ART1: variants seen among roughly 807,000 people sequenced by gnomAD.
ART1 encodes the protein GPI-linked NAD(P)(+)--arginine ADP-ribosyltransferase 1.
In ART1, 29 loss-of-function variants were observed where a neutral mutation model predicts 27.0. The ratio of observed to expected loss-of-function variants is 1.08; its 90% CI spans 0.80 to 1.47. ART1 has a LOEUF of 1.47. ART1 is among the 40% of genes most tolerant of loss of function. The pLI, the probability that ART1 is intolerant of heterozygous loss-of-function variation, is 0.00. For synonymous variants in ART1, 201 were observed against 172.2 expected (o/e 1.17, Z -1.31); for missense variants, 480 against 423.0 (o/e 1.13, Z -1.18).
At chr11:3,647,559 G>A (rs556999588) in intron 1 of ART1, among the ~76,000 whole-genome samples, 31 of 151,912 alleles carry the variant, frequency 2.0e-4, no homozygotes, top group Admixed American at 1.2e-3. Flanking sequence ...ACTTGAACCC[G>A]GGAGGTAGAG....
chr11:3,661,074 T>C (rs2077616245), intron 3 of ART1, among the ~76,000 whole-genome samples: 1 of 152,108 alleles, frequency 6.6e-6, no homozygotes, highest in Non-Finnish European at 1.5e-5. Context: ...CAAACCAGGC[T>C]GGGGCGAGGC....
At chr11:3,663,089 A>ATCTCATCTCATCATCTCATCTCATCATC (rs751116037) in intron 4 of ART1, among the ~76,000 whole-genome samples, 4 of 87,104 alleles carry the variant, frequency 4.6e-5, no homozygotes, top group African/African-American at 1.3e-4. Context: ...ATCTCATCTC[A>ATCTCATCTCATCATCTCATCTCATCATC]TCATCTCATC....
intron 4 of ART1, 81 bp from the exon 5 acceptor site, chr11:3,664,011 C>T: frequency 2.2e-6 from 3 of 1,337,296 alleles, no homozygotes; most frequent in South Asian, 1.3e-5. Flanking sequence ...ATCTGCATGT[C>T]CCCACTTTTG....
intron 1 of ART1, among the ~76,000 whole-genome samples, chr11:3,646,086 G>A (rs963111830): frequency 1.3e-5 from 2 of 151,638 alleles, no homozygotes; most frequent in Non-Finnish European, 2.9e-5. Flanking sequence ...AGATGTGTTT[G>A]TATCTCTTCC....
In ART1 at chr11:3,664,116, C is replaced by T; in HGVS notation, c.911C>T (p.Ala304Val). Reference sequence around the variant, plus strand: ...GCCATGGGTCAGAGCCCCCTCTCTGCAGTCTGGTCTTTGCTGCTGCTGCTC... The same window carrying T: ...GCCATGGGTCAGAGCCCCCTCTCTGTAGTCTGGTCTTTGCTGCTGCTGCTC... ...NSAMGQSPLSAVWSLLLLLWF... is the reference protein window; with the variant it reads ...NSAMGQSPLSVVWSLLLLLWF... The change falls in exon 5 of 5, where the codon GCA becomes GTA. Residue 304 changes from alanine to valine, a missense_variant. Coordinates refer to ENST00000250693, the MANE Select transcript of ART1 (RefSeq NM_004314.3). 1 of 1,614,066 alleles carries T rather than the reference C, an allele frequency of 6.2e-7. No homozygotes were observed. The highest frequency in any genetic ancestry group is 8.5e-7 in the Non-Finnish European group (1 of 1,180,028).
At chr11:3,660,654 C>A (rs1393106287) in intron 3 of ART1, among the ~76,000 whole-genome samples, 1 of 152,162 alleles carries the variant, frequency 6.6e-6, no homozygotes, top group Non-Finnish European at 1.5e-5. Context: ...GCAAGCAGAC[C>A]CGGTCGGGCT....
At chr11:3,655,083 G>T (rs567091915) in intron 1 of ART1, among the ~76,000 whole-genome samples, 3 of 152,334 alleles carry the variant, frequency 2.0e-5, no homozygotes, top group African/African-American at 7.2e-5. Context: ...ATCTAAACTG[G>T]ACTTGGTTGG....
chr11:3,654,766 C>G (rs113157450), intron 1 of ART1, among the ~76,000 whole-genome samples: 4 of 147,230 alleles, frequency 2.7e-5, no homozygotes, highest in Non-Finnish European at 6.0e-5. Context: ...ATTCTCCCAT[C>G]AGACATCAAG....
intron 1 of ART1, among the ~76,000 whole-genome samples, chr11:3,650,714 A>C (rs1435581231): frequency 1.1e-4 from 16 of 151,792 alleles, no homozygotes; most frequent in Admixed American, 1.1e-3. Context: ...AGACACTTTA[A>C]CTAAATTATC....
chr11:3,653,434 G>C (rs916099939), intron 1 of ART1, among the ~76,000 whole-genome samples: 3 of 148,052 alleles, frequency 2.0e-5, no homozygotes, highest in South Asian at 2.2e-4. Flanking sequence ...TGCGCACCTT[G>C]TGACCCCCAC....
intron 1 of ART1, among the ~76,000 whole-genome samples, chr11:3,655,054 G>A (rs2077559770): frequency 1.3e-5 from 2 of 152,204 alleles, no homozygotes; most frequent in East Asian, 3.8e-4. Context: ...ATGGTCTTTG[G>A]GTTGACGGCA....
chr11:3,652,122 A>G (rs1488702638), intron 1 of ART1, among the ~76,000 whole-genome samples: 1 of 150,774 alleles, frequency 6.6e-6, no homozygotes, highest in Non-Finnish European at 1.5e-5. Flanking sequence ...CTACACATCA[A>G]GCTCGAGGAT....
At chr11:3,651,451 A>G (rs1343226823) in intron 1 of ART1, among the ~76,000 whole-genome samples, 1 of 139,748 alleles carries the variant, frequency 7.2e-6, no homozygotes, top group Non-Finnish European at 1.5e-5. Flanking sequence ...CCCTTCCAAA[A>G]CAACTCCTTT....
At chr11:3,646,915 T>C (rs2077473098) in intron 1 of ART1, among the ~76,000 whole-genome samples, 1 of 152,238 alleles carries the variant, frequency 6.6e-6, no homozygotes, top group Non-Finnish European at 1.5e-5. Flanking sequence ...TGGTATAACA[T>C]TGTGCCTATA....
chr11:3,650,039 T>A (rs1160519947), intron 1 of ART1, among the ~76,000 whole-genome samples: 4 of 152,180 alleles, frequency 2.6e-5, no homozygotes, highest in Admixed American at 6.5e-5. Context: ...CTTCAAGGTA[T>A]ACAATAATAG....
intron 1 of ART1, among the ~76,000 whole-genome samples, chr11:3,657,363 C>T (rs1161446902): frequency 6.6e-6 from 1 of 152,044 alleles, no homozygotes; most frequent in Non-Finnish European, 1.5e-5. Flanking sequence ...ATGCTTGAGC[C>T]CAGGAATTCG....
Position 3,659,919 on chromosome 11 carries a change from G to A in ART1, c.400G>A (p.Ala134Thr). The change falls in exon 3 of 5, where the codon GCC becomes ACC. Residue 134 changes from alanine (A) to threonine (T), a missense_variant. Physicochemically the swap from Ala to Thr is moderately conservative, Grantham distance 58. Transcript: ENST00000250693. The stretch of plus-strand genomic sequence containing the variant: ...CCCCCTGCACAAGGAGTTCAATGCA[G>A]CCGTGCGTGAGGCGGGCCGCTCCCG... ...NSPLHKEFNA[A>T]VREAGRSRAH... The A allele has an allele frequency of 6.2e-7, 1 of 1,613,220 alleles. No individual in the cohort carries two copies.
At chr11:3,653,754 C>T (rs895734141) in intron 1 of ART1, among the ~76,000 whole-genome samples, 16 of 151,982 alleles carry the variant, frequency 1.1e-4, no homozygotes, top group African/African-American at 3.1e-4. Flanking sequence ...CCCCTATAGC[C>T]CATCAGACAT....
In ART1 at chr11:3,664,416, C is replaced by G; in HGVS notation, c.*227C>G. 2.0e-6 allele frequency: 1 copy of G among 501,090 alleles called. No homozygotes were observed. Among genetic ancestry groups the G allele is most frequent in the Non-Finnish European group, 3.6e-6 (1 of 278,928 alleles). 31.0% of individuals were successfully genotyped at this position (501,090 alleles called of 1,614,324 possible). On this transcript the variant is annotated 3_prime_UTR_variant, in exon 5 of 5. Transcript: ENST00000250693. ...GACTCTGAATAAAGGGTTGGGCCGG[C>G]GGTGTGGCAGGTACTTCAAGACAGG...
Sources: gnomAD v4.1 joint callset for allele counts (sites outside exome capture counted in the v4.1 genomes callset) on GRCh38, gnomAD v4.1.1 for gene constraint, MANE v1.5 for transcripts, NCBI Gene and HGNC (gene_info 2026-07-23, HGNC 2026-07-21) for gene names.